The following AQR variants were observed in gnomAD, a reference collection of about 807,000 sequenced individuals.
The protein encoded by AQR is RNA helicase aquarius.
In AQR, 61 loss-of-function variants were observed where a neutral mutation model predicts 180.5. The observed-to-expected ratio is 0.34, with a 90% CI of 0.28 to 0.42. AQR has a LOEUF of 0.42. AQR is among the 10% of genes least tolerant of loss of function. The probability of loss-of-function intolerance (pLI) is 1.00; values close to 1 mark genes in which losing one functional copy is unlikely to be tolerated. For synonymous variants in AQR, 551 were observed against 588.8 expected, an observed-to-expected ratio of 0.94 and a Z score of 0.93; for missense variants, 1,281 against 1,798.3, an observed-to-expected ratio of 0.71 and a Z score of 5.20.
chr15:34,866,813 C>T (rs981091207), intron 32 of AQR, among the ~76,000 whole-genome samples: 1 of 152,052 alleles, frequency 6.6e-6, no homozygotes, highest in Non-Finnish European at 1.5e-5. Context: ...CTTACCTTTA[C>T]ATAAAAGTTA....
chr15:34,871,776 C>T (rs995856936), intron 30 of AQR, among the ~76,000 whole-genome samples: 16 of 151,394 alleles, frequency 1.1e-4, no homozygotes, highest in African/African-American at 3.6e-4. Context: ...AGGATGTGAC[C>T]GCAAATTGGT....
intron 8 of AQR, among the ~76,000 whole-genome samples, chr15:34,939,715 A>T (rs2140496301): frequency 6.6e-6 from 1 of 152,350 alleles, no homozygotes; most frequent in African/African-American, 2.4e-5. Flanking sequence ...AACAAGTCAT[A>T]TATTATAAAC....
chr15:34,892,847 A>G (rs1893171438), intron 23 of AQR, among the ~76,000 whole-genome samples: 2 of 152,236 alleles, frequency 1.3e-5, no homozygotes, highest in African/African-American at 2.4e-5. Context: ...AATAAGAGTG[A>G]TAAACAGAAT....
chr15:34,895,478 AACG>A (rs1349709351), intron 22 of AQR, among the ~76,000 whole-genome samples: 3 of 151,816 alleles, frequency 2.0e-5, no homozygotes, highest in African/African-American at 2.4e-5. Flanking sequence ...CCTCAAATAT[AACG>A]ACAAGTAGAA....
chr15:34,856,873 A>G lies in AQR; in HGVS notation c.4377T>C (p.Pro1459=). The part of the protein sequence containing the change: ...EAIPALSETT[P]TVVGAVSAPA... ...GTGCAGATACAGCTCCTACCACAGT[A>G]GGGGTGGTCTCAGATAAAGCAGGGA... Residue 1459 remains proline, a synonymous_variant, in exon 35 of 35, where the codon CCT becomes CCC. Transcript: ENST00000156471. 6.2e-7 allele frequency: 1 copy of G among 1,613,424 alleles called. No individual in the cohort carries two copies. The highest frequency in any genetic ancestry group is 1.1e-5 in the South Asian group (1 of 90,944).
intron 34 of AQR, among the ~76,000 whole-genome samples, chr15:34,859,127 C>T (rs1382694043): frequency 6.6e-6 from 1 of 151,996 alleles, no homozygotes; most frequent in African/African-American, 2.4e-5. Context: ...ATAAACAAGC[C>T]AGAATGGGAG....
chr15:34,948,811 A>C (rs892507371), intron 4 of AQR, among the ~76,000 whole-genome samples: 1 of 151,872 alleles, frequency 6.6e-6, no homozygotes, highest in African/African-American at 2.4e-5. Flanking sequence ...AAAAAAAAAA[A>C]AACTTGGAAT....
chr15:34,918,489 C>T (rs987326003), intron 14 of AQR, 111 bp from the exon 15 acceptor site: 40 of 1,288,202 alleles, frequency 3.1e-5, no homozygotes, highest in Middle Eastern at 2.3e-4. Flanking sequence ...GTTCAACAAG[C>T]GATTTTTTTT....
intron 17 of AQR, among the ~76,000 whole-genome samples, chr15:34,908,329 C>T (rs1017651489): frequency 5.3e-5 from 8 of 151,712 alleles, no homozygotes; most frequent in African/African-American, 1.9e-4. Flanking sequence ...CCCAGCTACT[C>T]GGGAGGCTGA....
chr15:34,940,979 TAATTCTA>T lies in AQR; in HGVS notation c.554_560del (p.Leu185Ter). The stretch of plus-strand genomic sequence containing the variant: ...ATTTTCTTAGCTTAGGTGTCTTTTT[TAATTCTA>T]ATTCCAATCGTGCCTGAAGAAGAGA... On this transcript the variant is annotated frameshift_variant, in exon 8 of 35. Coordinates refer to ENST00000156471, the MANE Select transcript of AQR (RefSeq NM_014691.3). LOFTEE classifies it high-confidence loss of function. The T allele has an allele frequency of 6.2e-7, 1 of 1,605,122 alleles. No individual in the cohort carries two copies. The highest frequency in any genetic ancestry group is 8.5e-7 in the Non-Finnish European group (1 of 1,175,560).
intron 9 of AQR, among the ~76,000 whole-genome samples, chr15:34,936,068 TG>T (rs1039348345): frequency 1.9e-4 from 29 of 152,222 alleles, no homozygotes; most frequent in African/African-American, 6.5e-4. Flanking sequence ...CTGGTCCTAC[TG>T]GGCATGTTGC....
chr15:34,966,294 T>G (rs2050309417), intron 1 of AQR, among the ~76,000 whole-genome samples: 1 of 152,228 alleles, frequency 6.6e-6, no homozygotes, highest in African/African-American at 2.4e-5. Context: ...CTTTTCTGGC[T>G]AGGTATGCCA....
chr15:34,947,053 T>C (rs1595807370), intron 5 of AQR, among the ~76,000 whole-genome samples: 1 of 151,982 alleles, frequency 6.6e-6, no homozygotes, highest in Non-Finnish European at 1.5e-5. Context: ...ACAATGGCGG[T>C]TTTGTAGAAT....
chr15:34,863,719 C>T (rs1481060060), intron 32 of AQR, among the ~76,000 whole-genome samples: 1 of 152,092 alleles, frequency 6.6e-6, no homozygotes, highest in South Asian at 2.1e-4. Context: ...ATGTAGCTGG[C>T]TATCTGATGA....
chr15:34,948,214 T>C (rs1280746691), intron 5 of AQR, 50 bp downstream of exon 5: 10 of 1,579,012 alleles, frequency 6.3e-6, no homozygotes, highest in Non-Finnish European at 8.6e-6. Context: ...CACTTTGTAA[T>C]GGCTTATGTG....
chr15:34,871,570 T>C (rs373875046), intron 30 of AQR, among the ~76,000 whole-genome samples: 1 of 149,764 alleles, frequency 6.7e-6, no homozygotes, highest in African/African-American at 2.5e-5. Context: ...GACACAAAAC[T>C]ATAAAGGAAC....
chr15:34,961,677 A>AC (rs1555375804), intron 2 of AQR, among the ~76,000 whole-genome samples: 6 of 119,576 alleles, frequency 5.0e-5, no homozygotes, highest in African/African-American at 5.7e-5. Context: ...AAAAAAAAAA[A>AC]AGAAAAAAAG....
At chr15:34,871,349 A>G (rs1892813754) in intron 30 of AQR, among the ~76,000 whole-genome samples, 1 of 152,038 alleles carries the variant, frequency 6.6e-6, no homozygotes, top group African/African-American at 2.4e-5. Context: ...TCTACTAAAA[A>G]TACAAAAATT....
At chr15:34,948,696 G>A (rs187929226) in intron 4 of AQR, among the ~76,000 whole-genome samples, 368 of 151,526 alleles carry the variant, frequency 2.4e-3, no homozygotes, top group Non-Finnish European at 4.1e-3. Context: ...GCTACTCAGG[G>A]GGCTGAGGCA....
Sources: allele counts gnomAD v4.1 joint callset (sites outside exome capture counted in the v4.1 genomes callset), GRCh38; gene constraint gnomAD v4.1.1; transcripts MANE v1.5; gene names NCBI Gene and HGNC (gene_info 2026-07-23, HGNC 2026-07-21).